Variants in RNF19A observed in about 807,000 individuals in gnomAD.
RNF19A encodes the protein E3 ubiquitin-protein ligase RNF19A.
A neutral mutation model predicts 75.7 loss-of-function variants in RNF19A; 32 were observed. The observed-to-expected ratio is 0.42, with a 90% CI of 0.32 to 0.57. The LOEUF (loss-of-function observed/expected upper bound fraction) is 0.57, where lower values mean the gene tolerates loss of function less well. Among genes scored for constraint, RNF19A ranks in the 20% least tolerant of loss-of-function variants. The pLI is 0.10. For synonymous variants in RNF19A, 335 were observed against 345.2 expected (o/e 0.97, Z 0.33); for missense variants, 782 against 1,036.3 (o/e 0.75, Z 3.37).
intron 1 of RNF19A, among the ~76,000 whole-genome samples, chr8:100,315,844 A>G (rs1195376603): frequency 6.6e-6 from 1 of 152,200 alleles, no homozygotes; most frequent in African/African-American, 2.4e-5. Context: ...TGAGTTTCAT[A>G]TCAGACTAAC....
chr8:100,278,454 G>A (rs963406336), intron 2 of RNF19A, among the ~76,000 whole-genome samples: 1 of 152,144 alleles, frequency 6.6e-6, no homozygotes, highest in Non-Finnish European at 1.5e-5. Flanking sequence ...TAAATGTCCA[G>A]TATGTTGCAA....
chr8:100,310,241 G>A (rs543969234), upstream of RNF19A: 4 of 985,130 alleles, frequency 4.1e-6, no homozygotes, highest in African/African-American at 7.0e-5. Context: ...GGGCGGCTCT[G>A]GACGCGGCTG....
intron 2 of RNF19A, among the ~76,000 whole-genome samples, chr8:100,286,192 C>A (rs926417999): frequency 6.6e-6 from 1 of 152,140 alleles, no homozygotes; most frequent in Non-Finnish European, 1.5e-5. Context: ...AGCTACTATT[C>A]ATTATTCCTA....
intron 2 of RNF19A, among the ~76,000 whole-genome samples, chr8:100,278,219 G>A (rs1660326): frequency 0.32 from 49,400 of 152,098 alleles, 8,698 homozygotes; most frequent in East Asian, 0.41. Context: ...ATAAGCACAT[G>A]GCTGCTTTGA....
chr8:100,278,547 A>C (rs969390760), intron 2 of RNF19A, among the ~76,000 whole-genome samples: 11 of 152,210 alleles, frequency 7.2e-5, no homozygotes, highest in Admixed American at 3.9e-4. Flanking sequence ...AAATAGGAAA[A>C]CAATTTACAG....
intron 5 of RNF19A, among the ~76,000 whole-genome samples, chr8:100,266,603 C>CG (rs1819991764): frequency 6.6e-6 from 1 of 152,150 alleles, no homozygotes; most frequent in Non-Finnish European, 1.5e-5. Flanking sequence ...CTCAACCTCA[C>CG]GGGCTCAATC....
intron 1 of RNF19A, among the ~76,000 whole-genome samples, chr8:100,290,153 T>C (rs1441630443): frequency 6.6e-6 from 1 of 152,192 alleles, no homozygotes; most frequent in African/African-American, 2.4e-5. Context: ...CTGTGTCTGT[T>C]GCCCAGGCTG....
At chr8:100,328,912 A>T (rs1822575190) in intron 1 of RNF19A, among the ~76,000 whole-genome samples, 1 of 152,188 alleles carries the variant, frequency 6.6e-6, no homozygotes, top group East Asian at 1.9e-4. Flanking sequence ...GGACCCCCAG[A>T]TGACACAGCT....
At chr8:100,289,751 C>T (rs924001555) in intron 1 of RNF19A, among the ~76,000 whole-genome samples, 5 of 152,116 alleles carry the variant, frequency 3.3e-5, no homozygotes, top group African/African-American at 1.2e-4. Context: ...AATTGGAACA[C>T]AGAGATGCCC....
At chr8:100,335,692 T>C (rs1822670424) in intron 1 of RNF19A, among the ~76,000 whole-genome samples, 1 of 152,242 alleles carries the variant, frequency 6.6e-6, no homozygotes, top group Non-Finnish European at 1.5e-5. Flanking sequence ...AGATGGAGCC[T>C]GATTCTCTGG....
chr8:100,259,827 T>C lies in RNF19A; in HGVS notation c.1826+27A>G, dbSNP rs527852369. The C allele has an allele frequency of 3.8e-6, 6 of 1,578,096 alleles. No homozygotes were observed. Among genetic ancestry groups the C allele is most frequent in the African/African-American group, 1.4e-5 (1 of 73,808 alleles). ...TATTCCTTTAATTTAAAAAATACTTTCAATTTTTTAACAGTTTTTTCCTTA... is the reference window on the plus strand; with the variant it reads ...TATTCCTTTAATTTAAAAAATACTTCCAATTTTTTAACAGTTTTTTCCTTA... On this transcript the variant is annotated intron_variant, in intron 9 of 9. Transcript: ENST00000341084. This position sits in a 1 kb window ranked among gnomAD's most constrained non-coding sequence, Gnocchi z 4.5.
At chr8:100,335,834 A>T (rs1396757199) in intron 1 of RNF19A, among the ~76,000 whole-genome samples, 1 of 152,226 alleles carries the variant, frequency 6.6e-6, no homozygotes, top group African/African-American at 2.4e-5. Context: ...GGGCCTAGAC[A>T]GCAGTGCTCT....
At chr8:100,263,998 A>G (rs373967017) in intron 7 of RNF19A, 36 bp downstream of exon 7, 1 of 1,586,088 alleles carries the variant, frequency 6.3e-7, no homozygotes, top group Non-Finnish European at 8.6e-7. Flanking sequence ...TACACTGTTA[A>G]TAAGCACATT....
chr8:100,305,471 C>T (rs2130206093), intron 1 of RNF19A, among the ~76,000 whole-genome samples: 1 of 152,338 alleles, frequency 6.6e-6, no homozygotes, highest in South Asian at 2.1e-4. Flanking sequence ...CGTAAAGTCA[C>T]TCATGATAAT....
rs1819645427 is a variant in RNF19A at position 100,260,128 on chromosome 8, T to G, written c.1683-131A>C. 3 of 760,674 alleles carry G rather than the reference T, an allele frequency of 3.9e-6. No homozygotes were observed. Among genetic ancestry groups the G allele is most frequent in the Non-Finnish European group, 6.3e-6 (3 of 476,286 alleles). The allele number at this position is 760,674 out of a possible 1,614,324, so 47.1% of individuals were successfully genotyped here. A position where few individuals can be genotyped will look rare whatever the true frequency, so the allele number is the denominator to read the frequency against. Reference sequence around the variant, plus strand: ...TTAGGAACCATTATTTTTTATTTCCTTTTATTTAATTTAAATTCTACTGCA... The same window carrying G: ...TTAGGAACCATTATTTTTTATTTCCGTTTATTTAATTTAAATTCTACTGCA... On this transcript the variant is annotated intron_variant, in intron 8 of 9. Transcript: ENST00000341084. This position sits in a 1 kb window ranked among gnomAD's most constrained non-coding sequence, Gnocchi z 4.1.
chr8:100,276,002 G>T (rs1028543866), intron 2 of RNF19A, among the ~76,000 whole-genome samples: 4 of 151,886 alleles, frequency 2.6e-5, no homozygotes, highest in African/African-American at 9.7e-5. Flanking sequence ...ATTAAAGACT[G>T]AGAACTGTAG....
At chr8:100,286,813 A>G (rs545665590) in intron 2 of RNF19A, among the ~76,000 whole-genome samples, 5 of 152,334 alleles carry the variant, frequency 3.3e-5, no homozygotes, top group African/African-American at 1.2e-4. Flanking sequence ...TGAATAGTAT[A>G]TGACTACTGT....
At chr8:100,293,433 C>T (rs1821402882) in intron 1 of RNF19A, among the ~76,000 whole-genome samples, 1 of 152,220 alleles carries the variant, frequency 6.6e-6, no homozygotes, top group Non-Finnish European at 1.5e-5. Flanking sequence ...ATTACACTGT[C>T]TTCTGGCCTC....
rs1453642630 is a variant in RNF19A, at chr8:100,287,931, T to C, written c.244A>G (p.Arg82Gly). 6.2e-7 allele frequency: 1 copy of C among 1,614,106 alleles called. No individual in the cohort carries two copies. The highest frequency in any genetic ancestry group is 1.7e-5 in the Admixed American group (1 of 60,016). Residue 82 changes from arginine (R) to glycine (G), a missense_variant, in exon 2 of 10, where the codon AGG becomes GGG. This residue lies in a region of RNF19A where 148 missense variants were observed against 147.9 expected (regional missense o/e 1.00). Transcript: ENST00000341084. This position sits in a 1 kb window ranked among gnomAD's most constrained non-coding sequence, Gnocchi z 4.1. Reference sequence around the variant, plus strand: ...CCATCCACCCCGCCATTTAGCTCCCTTGATTTACGTTTGTTATCTTTTTTC... The same window carrying C: ...CCATCCACCCCGCCATTTAGCTCCCCTGATTTACGTTTGTTATCTTTTTTC... ...RRKKDNKRKS[R>G]ELNGGVDGIA...
Sources: gnomAD v4.1 joint callset for allele counts (sites outside exome capture counted in the v4.1 genomes callset) on GRCh38, gnomAD v4.1.1 for gene constraint, gnomAD v4.1.1 regional missense constraint, Gnocchi (gnomAD v3.1) non-coding constraint, MANE v1.5 for transcripts, NCBI Gene and HGNC (gene_info 2026-07-23, HGNC 2026-07-21) for gene names.